ALMS1: variants seen among roughly 807,000 people sequenced by gnomAD.
The protein encoded by ALMS1 is centrosome-associated protein ALMS1.
ALMS1 carries 271 observed loss-of-function variants against 352.2 expected under a neutral mutation model. The ratio of observed to expected loss-of-function variants is 0.77; its 90% CI spans 0.70 to 0.85. The LOEUF (loss-of-function observed/expected upper bound fraction) is 0.85, where lower values mean the gene tolerates loss of function less well. Ranked by LOEUF, ALMS1 falls within the 40% of genes least tolerant of loss-of-function variation. ALMS1 has a pLI of 0.00. For synonymous variants in ALMS1, 1,865 were observed against 1,761.2 expected, an observed-to-expected ratio of 1.06 and a Z score of -1.48; for missense variants, 5,445 against 4,870.7, an observed-to-expected ratio of 1.12 and a Z score of -3.51.
At chr2:73,508,407 G>T (rs765698661) in intron 10 of ALMS1, among the ~76,000 whole-genome samples, 1 of 151,774 alleles carries the variant, frequency 6.6e-6, no homozygotes, top group Non-Finnish European at 1.5e-5. Flanking sequence ...GGGTTTCACT[G>T]TGTTAGTCAG....
intron 1 of ALMS1, among the ~76,000 whole-genome samples, chr2:73,391,203 C>T (rs1204431786): frequency 6.6e-6 from 1 of 151,970 alleles, no homozygotes; most frequent in Non-Finnish European, 1.5e-5. Context: ...GAAGAGAACA[C>T]AGGCTGAACC....
At chr2:73,474,071 A>G (rs1411556438) in intron 9 of ALMS1, among the ~76,000 whole-genome samples, 1 of 152,122 alleles carries the variant, frequency 6.6e-6, no homozygotes, top group African/African-American at 2.4e-5. Flanking sequence ...TCAAATTGTT[A>G]AATATTTAGC....
At chr2:73,486,995 C>T (rs767812944) in intron 9 of ALMS1, among the ~76,000 whole-genome samples, 2 of 152,182 alleles carry the variant, frequency 1.3e-5, no homozygotes, top group African/African-American at 4.8e-5. Flanking sequence ...GTCGTGGCTT[C>T]AGTGATAGTG....
In ALMS1 at chr2:73,585,785, A is replaced by G. The variant is rs1376897007; in HGVS notation, c.11547+12361A>G. ...CTCTTGTTGCCCTGGCTGGAGTACA[A>G]TGGCACAATCTCCACTCACTGCAAC... On this transcript the variant is annotated intron_variant, in intron 16 of 22. Coordinates refer to ENST00000613296, the MANE Select transcript of ALMS1 (RefSeq NM_001378454.1). Among the ~76,000 whole-genome samples the G allele has an allele frequency of 3.6e-5, 5 of 138,716 alleles. No individual in the cohort carries two copies. The South Asian group carries it at 9.1e-4, about 25-fold the overall frequency. 91.0% of individuals were successfully genotyped at this position (138,716 alleles called of 152,430 possible).
At position 73,572,857 on chromosome 2, in the gene ALMS1, G is replaced by A. The variant is rs745783152; in HGVS notation, c.10980G>A (p.Val3660=). 6.2e-7 allele frequency: 1 copy of A among 1,614,086 alleles called. No homozygotes were observed. Among genetic ancestry groups the A allele is most frequent in the East Asian group, 2.2e-5 (1 of 44,882 alleles). ...ATGATAGCAGAGGGGAACGAAGTGT[G>A]AAGGAATGGAGTGGTAGACAACAGC... ...THDDSRGERS[V]KEWSGRQQQR... The change falls in exon 16 of 23, where the codon GTG becomes GTA. Residue 3660 remains valine, a synonymous_variant. Transcript: ENST00000613296.
intron 2 of ALMS1, among the ~76,000 whole-genome samples, chr2:73,410,186 C>G (rs1365741628): frequency 6.6e-6 from 1 of 152,072 alleles, no homozygotes; most frequent in Non-Finnish European, 1.5e-5. Context: ...GTCAGGAGTT[C>G]AAGACCAGCC....
At chr2:73,464,881 A>G (rs961184690) in intron 9 of ALMS1, among the ~76,000 whole-genome samples, 7 of 152,166 alleles carry the variant, frequency 4.6e-5, no homozygotes, top group African/African-American at 1.4e-4. Context: ...TAGGAATCCA[A>G]CTTACAAGGG....
At chr2:73,461,597 C>G (rs993658495) in intron 9 of ALMS1, among the ~76,000 whole-genome samples, 8 of 152,214 alleles carry the variant, frequency 5.3e-5, no homozygotes, top group Admixed American at 1.3e-4. Flanking sequence ...CGGAACAAAG[C>G]TGGATGGACA....
intron 10 of ALMS1, among the ~76,000 whole-genome samples, chr2:73,509,619 A>G (rs1033391229): frequency 4.6e-5 from 7 of 152,152 alleles, no homozygotes; most frequent in Non-Finnish European, 1.0e-4. Context: ...GGTTTCTGCC[A>G]AGAGATCTGC....
chr2:73,596,860 C>CTTTTTTT (rs70965740), intron 16 of ALMS1, among the ~76,000 whole-genome samples: 137 of 104,236 alleles, frequency 1.3e-3, no homozygotes, highest in Non-Finnish European at 1.8e-3. Context: ...CCCTCTACCT[C>CTTTTTTT]TTTTTTTTTT....
At chr2:73,405,703 CTG>C (rs1049557453) in intron 1 of ALMS1, among the ~76,000 whole-genome samples, 14 of 151,760 alleles carry the variant, frequency 9.2e-5, no homozygotes, top group Admixed American at 4.6e-4. Flanking sequence ...GCATTTACGA[CTG>C]TAGATTACCT....
intron 9 of ALMS1, among the ~76,000 whole-genome samples, chr2:73,474,595 C>G (rs1300740517): frequency 6.6e-6 from 1 of 152,052 alleles, no homozygotes; most frequent in East Asian, 1.9e-4. Context: ...CCACCTCAGT[C>G]TCTCAAAGTG....
chr2:73,537,365 G>A (rs943397984), intron 12 of ALMS1, among the ~76,000 whole-genome samples: 3 of 152,168 alleles, frequency 2.0e-5, no homozygotes, highest in Middle Eastern at 3.2e-3. Flanking sequence ...GACCCAAGGC[G>A]CTAGGTCTTA....
At chr2:73,500,728 G>A (rs115421287) in intron 10 of ALMS1, among the ~76,000 whole-genome samples, 1 of 151,806 alleles carries the variant, frequency 6.6e-6, no homozygotes, top group African/African-American at 2.4e-5. Flanking sequence ...GCTATATTGA[G>A]TTCAGGCCAA....
intron 13 of ALMS1, among the ~76,000 whole-genome samples, chr2:73,552,645 G>A (rs1177300390): frequency 1.3e-5 from 2 of 152,202 alleles, no homozygotes; most frequent in Non-Finnish European, 2.9e-5. Context: ...TACAGACTTT[G>A]CATCCTAAGG....
intron 9 of ALMS1, among the ~76,000 whole-genome samples, chr2:73,486,433 G>A (rs563507042): frequency 6.6e-5 from 10 of 152,122 alleles, no homozygotes; most frequent in African/African-American, 2.4e-4. Context: ...TTTCTGTGAT[G>A]GTTGGCTGGA....
intron 9 of ALMS1, among the ~76,000 whole-genome samples, chr2:73,466,487 G>A (rs1203554409): frequency 7.4e-6 from 1 of 135,242 alleles, no homozygotes; most frequent in Non-Finnish European, 1.6e-5. Flanking sequence ...CCTGTTGTGG[G>A]GTGGGGGGAG....
chr2:73,568,631 A>G (rs1032152924), intron 15 of ALMS1, among the ~76,000 whole-genome samples: 6 of 152,214 alleles, frequency 3.9e-5, no homozygotes, highest in African/African-American at 1.2e-4. Flanking sequence ...ATCACCAGAA[A>G]GTGGAACTAG....
At chr2:73,532,054 T>C (rs970718119) in intron 11 of ALMS1, among the ~76,000 whole-genome samples, 1 of 152,244 alleles carries the variant, frequency 6.6e-6, no homozygotes, top group Non-Finnish European at 1.5e-5. Flanking sequence ...TTCTCTGGAT[T>C]ACCAGGTAGA....
Sources: allele counts gnomAD v4.1 joint callset (sites outside exome capture counted in the v4.1 genomes callset), GRCh38; gene constraint gnomAD v4.1.1; transcripts MANE v1.5; gene names NCBI Gene and HGNC (gene_info 2026-07-23, HGNC 2026-07-21).